Variants in KIF21A observed in about 807,000 individuals in gnomAD.
KIF21A encodes the protein kinesin-like protein KIF21A.
A neutral mutation model predicts 202.9 loss-of-function variants in KIF21A; 114 were observed. That is an observed-to-expected ratio of 0.56 (90% CI 0.48 to 0.66). The LOEUF is 0.66. KIF21A is among the 30% of genes least tolerant of loss of function. The pLI, the probability that KIF21A is intolerant of heterozygous loss-of-function variation, is 0.00. For missense variants in KIF21A, 1,677 were observed against 1,994.9 expected (o/e 0.84, Z 3.04); for synonymous variants, 667 against 670.8 (o/e 0.99, Z 0.09).
intron 36 of KIF21A, among the ~76,000 whole-genome samples, chr12:39,301,934 G>A (rs1050971714): frequency 6.6e-6 from 1 of 152,148 alleles, no homozygotes; most frequent in Non-Finnish European, 1.5e-5. Flanking sequence ...AAAAGACCCT[G>A]AAAATACATA....
intron 11 of KIF21A, among the ~76,000 whole-genome samples, chr12:39,351,330 A>G (rs1338475299): frequency 6.6e-6 from 1 of 152,074 alleles, no homozygotes; most frequent in African/African-American, 2.4e-5. Context: ...ATGACATTAC[A>G]TGACATTCTG....
chr12:39,344,177 A>T (rs76430275), intron 12 of KIF21A, among the ~76,000 whole-genome samples: 7,354 of 152,242 alleles, frequency 0.048, 604 homozygotes, highest in African/African-American at 0.17. Flanking sequence ...ATTTTATGTG[A>T]TATACTGAAT....
chr12:39,389,759 CT>C (rs1951213992), intron 1 of KIF21A, among the ~76,000 whole-genome samples: 1 of 151,960 alleles, frequency 6.6e-6, no homozygotes, highest in Non-Finnish European at 1.5e-5. Context: ...CATTTTTTTT[CT>C]GAGGTATCTA....
chr12:39,340,457 C>T (rs1592234076), intron 15 of KIF21A, 93 bp from the exon 16 acceptor site: 1 of 910,496 alleles, frequency 1.1e-6, no homozygotes, highest in East Asian at 2.6e-5. Context: ...AGAAGAGCTA[C>T]TTCCCAAACA....
chr12:39,307,458 A>G (rs565096152), intron 34 of KIF21A, 107 bp downstream of exon 34: 1 of 997,770 alleles, frequency 1.0e-6, no homozygotes, highest in East Asian at 2.5e-5. Flanking sequence ...ATGATTTTAC[A>G]TTAACTTCTG....
chr12:39,440,060 C>G (rs571471907), intron 1 of KIF21A, among the ~76,000 whole-genome samples: 11 of 152,246 alleles, frequency 7.2e-5, no homozygotes, highest in African/African-American at 2.2e-4. Flanking sequence ...TGCTGAGGAA[C>G]CCTTCTCAAA....
intron 1 of KIF21A, among the ~76,000 whole-genome samples, chr12:39,385,553 G>C (rs73086883): frequency 6.6e-6 from 1 of 152,118 alleles, no homozygotes; most frequent in Non-Finnish European, 1.5e-5. Flanking sequence ...AATATCCTTA[G>C]TTTAAAAACA....
chr12:39,329,503 G>A (rs1289293690), intron 24 of KIF21A, among the ~76,000 whole-genome samples: 1 of 151,610 alleles, frequency 6.6e-6, no homozygotes, highest in Admixed American at 6.6e-5. Flanking sequence ...AAGAAGAGGA[G>A]GAGGAGAGAA....
intron 1 of KIF21A, among the ~76,000 whole-genome samples, chr12:39,414,990 G>A (rs1448276632): frequency 6.7e-6 from 1 of 148,172 alleles, no homozygotes; most frequent in African/African-American, 2.5e-5. Flanking sequence ...AGCAAAATCA[G>A]CCTAGGACTG....
In KIF21A at chr12:39,341,569, C is replaced by T. The variant is rs1360683675; in HGVS notation, c.1857G>A (p.Glu619=). ...CACCCCCATCAATGTCATCTTCCTCCTCCTCCTCCTCCTCTTCTTCATCCT... is the reference window on the plus strand; with the variant it reads ...CACCCCCATCAATGTCATCTTCCTCTTCCTCCTCCTCCTCTTCTTCATCCT... The part of the protein sequence containing the change: ...DHEDEEEEEE[E]EEDDIDGGES... The change falls in exon 14 of 38, where the codon GAG becomes GAA. Residue 619 remains glutamate, a synonymous_variant. Transcript: ENST00000361418. The T allele has an allele frequency of 1.2e-6, 2 of 1,606,782 alleles. No homozygotes were observed. Among genetic ancestry groups the T allele is most frequent in the South Asian group, 2.2e-5 (2 of 90,930 alleles).
At chr12:39,324,444 C>T (rs1417027739) in intron 26 of KIF21A, among the ~76,000 whole-genome samples, 1 of 152,164 alleles carries the variant, frequency 6.6e-6, no homozygotes, top group Non-Finnish European at 1.5e-5. Context: ...TAGATCCGAA[C>T]CATAGCAGAA....
chr12:39,434,384 G>T (rs1255432465), intron 1 of KIF21A, among the ~76,000 whole-genome samples: 1 of 152,194 alleles, frequency 6.6e-6, no homozygotes, highest in Non-Finnish European at 1.5e-5. Context: ...TTGCATAGGG[G>T]ATTAGTTTCC....
At chr12:39,421,712 A>C (rs1954276025) in intron 1 of KIF21A, among the ~76,000 whole-genome samples, 1 of 130,828 alleles carries the variant, frequency 7.6e-6, no homozygotes, top group Non-Finnish European at 1.6e-5. Context: ...AAATAAATAA[A>C]TATATATAAT....
chr12:39,311,037 T>C (rs1157920870), intron 32 of KIF21A, among the ~76,000 whole-genome samples: 2 of 152,084 alleles, frequency 1.3e-5, no homozygotes, highest in African/African-American at 2.4e-5. Flanking sequence ...CTGCCTAGCA[T>C]AGCCCCTGAT....
At chr12:39,381,598 C>T (rs1282967682) in intron 1 of KIF21A, among the ~76,000 whole-genome samples, 1 of 152,046 alleles carries the variant, frequency 6.6e-6, no homozygotes, top group Non-Finnish European at 1.5e-5. Flanking sequence ...TAAAATAAGC[C>T]ATAATTCTGT....
intron 17 of KIF21A, among the ~76,000 whole-genome samples, chr12:39,335,409 TC>T (rs1946877365): frequency 1.2e-5 from 1 of 80,414 alleles, no homozygotes; most frequent in African/African-American, 6.6e-5. Context: ...AGACTCTGTC[TC>T]AAAAAAAAAA....
At chr12:39,325,769 C>G (rs1426315764) in intron 26 of KIF21A, 70 bp downstream of exon 26, 1 of 1,048,352 alleles carries the variant, frequency 9.5e-7, no homozygotes, top group African/African-American at 1.6e-5. Context: ...AAATCTGAAC[C>G]TATGTGTTAA....
chr12:39,396,946 C>T (rs1834091348), intron 1 of KIF21A, among the ~76,000 whole-genome samples: 1 of 152,020 alleles, frequency 6.6e-6, no homozygotes. Flanking sequence ...GTGAAATACA[C>T]CAAACTCAAA....
chr12:39,379,035 A>C (rs1449430764), intron 1 of KIF21A, among the ~76,000 whole-genome samples: 4 of 152,116 alleles, frequency 2.6e-5, no homozygotes, highest in Non-Finnish European at 4.4e-5. Flanking sequence ...CACTAGCATA[A>C]AAGTTGTTAG....
Sources: allele counts gnomAD v4.1 joint callset (sites outside exome capture counted in the v4.1 genomes callset), GRCh38; gene constraint gnomAD v4.1.1; transcripts MANE v1.5; gene names NCBI Gene and HGNC (gene_info 2026-07-23, HGNC 2026-07-21).